ECE1: variants seen among roughly 807,000 people sequenced by gnomAD.
ECE1 encodes endothelin-converting enzyme 1.
Under a neutral mutation model 98.6 loss-of-function variants are expected in ECE1, and 35 were observed. The observed-to-expected ratio is 0.35, with a 90% CI of 0.27 to 0.47. ECE1 has a LOEUF of 0.47. ECE1 is among the 20% of genes least tolerant of loss of function. The pLI is 1.00. For missense variants in ECE1, 814 were observed against 1,025.3 expected, an observed-to-expected ratio of 0.79 and a Z score of 2.81; for synonymous variants, 394 against 407.1, an observed-to-expected ratio of 0.97 and a Z score of 0.39.
chr1:21,290,275 CG>C lies in ECE1; in HGVS notation c.51+88del. The C allele has an allele frequency of 7.7e-7, 1 of 1,304,510 alleles. No homozygotes were observed. Among genetic ancestry groups the C allele is most frequent in the Non-Finnish European group, 9.7e-7 (1 of 1,025,654 alleles). 80.8% of individuals were successfully genotyped at this position (1,304,510 alleles called of 1,614,324 possible). A position where few individuals can be genotyped will look rare whatever the true frequency, so the allele number is the denominator to read the frequency against. ...CGCGCCCCGCCCCGGCCTGGACACC[CG>C]AGACCGAGACCGGCCCACGGAGCGG... On this transcript the variant is annotated intron_variant, in intron 1 of 18. Transcript: ENST00000374893. The surrounding 1 kb of genome is among the most constrained non-coding windows in gnomAD (Gnocchi z 7.3).
At chr1:21,277,565 G>A (rs1158349313) in intron 3 of ECE1, among the ~76,000 whole-genome samples, 8 of 151,948 alleles carry the variant, frequency 5.3e-5, no homozygotes, top group Non-Finnish European at 1.2e-4. Flanking sequence ...AGCAGAGGAG[G>A]CACAAACACA....
chr1:21,224,836 T>C (rs918398774), intron 17 of ECE1, among the ~76,000 whole-genome samples: 3 of 152,198 alleles, frequency 2.0e-5, no homozygotes, highest in African/African-American at 7.2e-5. Context: ...GTTCTGTGAC[T>C]TACTCCAGAA....
In ECE1 at chr1:21,219,663, T is replaced by G. The variant is rs2098164865; in HGVS notation, c.*292A>C. ...TTGACACAGTGGTATTTGTGGCGTATCTGGCGCTTGTCAGTGTGGGGCCCA... is the reference window on the plus strand; with the variant it reads ...TTGACACAGTGGTATTTGTGGCGTAGCTGGCGCTTGTCAGTGTGGGGCCCA... On this transcript the variant is annotated 3_prime_UTR_variant, in exon 19 of 19. Transcript: ENST00000374893. This position sits in a 1 kb window ranked among gnomAD's most constrained non-coding sequence, Gnocchi z 4.5. 4.1e-6 allele frequency: 2 copies of G among 491,134 alleles called. No homozygotes were observed. Among genetic ancestry groups the G allele is most frequent in the Non-Finnish European group, 7.4e-6 (2 of 269,180 alleles). 30.4% of individuals were successfully genotyped at this position (491,134 alleles called of 1,614,324 possible).
chr1:21,283,691 C>A (rs745754835), intron 2 of ECE1, among the ~76,000 whole-genome samples: 1 of 152,206 alleles, frequency 6.6e-6, no homozygotes, highest in Non-Finnish European at 1.5e-5. Context: ...GTCTCCAGGA[C>A]TGGCAGCCGC....
chr1:21,296,016 C>G (rs1638343316), intron 1 of ECE1, among the ~76,000 whole-genome samples: 1 of 152,092 alleles, frequency 6.6e-6, no homozygotes, highest in South Asian at 2.1e-4. Context: ...CGCAGGCCAC[C>G]TCTTTCTGCT....
intron 1 of ECE1, among the ~76,000 whole-genome samples, chr1:21,338,252 G>A (rs1639338734): frequency 6.6e-6 from 1 of 152,198 alleles, no homozygotes. Context: ...AGGACATGAG[G>A]TTAGAGTCCC....
At chr1:21,326,830 CACT>C (rs1553372252) in intron 1 of ECE1, among the ~76,000 whole-genome samples, 1 of 152,118 alleles carries the variant, frequency 6.6e-6, no homozygotes, top group Non-Finnish European at 1.5e-5. Flanking sequence ...GGGGAGACCC[CACT>C]GAGCACAGAG....
chr1:21,310,328 G>A (rs905241812), intron 1 of ECE1, among the ~76,000 whole-genome samples: 1 of 152,160 alleles, frequency 6.6e-6, no homozygotes, highest in African/African-American at 2.4e-5. Context: ...TGTGGTAGCT[G>A]AGAGCCCTAG....
upstream of ECE1, among the ~76,000 whole-genome samples, chr1:21,293,013 T>C (rs1164035703): frequency 6.6e-6 from 1 of 152,182 alleles, no homozygotes; most frequent in Admixed American, 6.5e-5. Flanking sequence ...GAAAAGACTT[T>C]TGAAAAAGAA....
intron 1 of ECE1, among the ~76,000 whole-genome samples, chr1:21,335,849 C>CG (rs1639296849): frequency 6.6e-6 from 1 of 152,196 alleles, no homozygotes; most frequent in African/African-American, 2.4e-5. Flanking sequence ...CAGTGCTTGA[C>CG]GGAAGGGGAA....
At chr1:21,332,349 G>A (rs771081265) in intron 1 of ECE1, among the ~76,000 whole-genome samples, 1 of 151,792 alleles carries the variant, frequency 6.6e-6, no homozygotes, top group Non-Finnish European at 1.5e-5. Context: ...AATAAATCAG[G>A]TGACATTTAT....
At chr1:21,277,172 A>G (rs1229250780) in intron 3 of ECE1, among the ~76,000 whole-genome samples, 1 of 152,124 alleles carries the variant, frequency 6.6e-6, no homozygotes, top group Admixed American at 6.5e-5. Flanking sequence ...ACTCCAGGGG[A>G]AGAATGTTCC....
At chr1:21,274,800 T>G (rs556385754) in intron 3 of ECE1, among the ~76,000 whole-genome samples, 7 of 152,232 alleles carry the variant, frequency 4.6e-5, no homozygotes, top group Admixed American at 4.6e-4. Flanking sequence ...ACACAACAAT[T>G]AAAAATTATT....
intron 1 of ECE1, among the ~76,000 whole-genome samples, chr1:21,305,093 A>G (rs1198407794): frequency 6.6e-6 from 1 of 152,210 alleles, no homozygotes; most frequent in Non-Finnish European, 1.5e-5. Flanking sequence ...ATTTCAATCA[A>G]ATTAATTAAA....
At chr1:21,279,070 T>C in intron 3 of ECE1, 121 bp downstream of exon 3, 3 of 1,559,474 alleles carry the variant, frequency 1.9e-6, no homozygotes, top group Admixed American at 1.7e-5. Context: ...CCCCTGGGCC[T>C]GGCTCCCTCC....
chr1:21,239,521 C>T (rs568681441), intron 10 of ECE1, among the ~76,000 whole-genome samples: 3 of 152,306 alleles, frequency 2.0e-5, no homozygotes, highest in South Asian at 2.1e-4. Context: ...TATTTTTATA[C>T]AGCAACATAC....
At chr1:21,238,394 G>A (rs3026895) in intron 10 of ECE1, 150 bp from the exon 11 acceptor site, 19,832 of 697,992 alleles carry the variant, frequency 0.028, 396 homozygotes, top group Non-Finnish European at 0.034. Flanking sequence ...TTTAGTCACC[G>A]GACCAAGAGG....
chr1:21,296,552 T>TAAAAC (rs898630115), intron 1 of ECE1, among the ~76,000 whole-genome samples: 2 of 152,096 alleles, frequency 1.3e-5, no homozygotes, highest in East Asian at 1.9e-4. Context: ...TAAAATAAAG[T>TAAAAC]AAAACAAAAC....
At chr1:21,282,649 C>T (rs2098256169) in intron 2 of ECE1, among the ~76,000 whole-genome samples, 1 of 151,046 alleles carries the variant, frequency 6.6e-6, no homozygotes, top group Non-Finnish European at 1.5e-5. Flanking sequence ...CTGGTGCTGG[C>T]TCCAGGGAGC....
Sources: gnomAD v4.1 joint callset for allele counts (sites outside exome capture counted in the v4.1 genomes callset) on GRCh38, gnomAD v4.1.1 for gene constraint, Gnocchi (gnomAD v3.1) non-coding constraint, MANE v1.5 for transcripts, NCBI Gene and HGNC (gene_info 2026-07-23, HGNC 2026-07-21) for gene names.